ENOX2: variants seen among roughly 807,000 people sequenced by gnomAD.
The protein encoded by ENOX2 is ecto-NOX disulfide-thiol exchanger 2.
ENOX2 carries 36 observed loss-of-function variants against 45.0 expected under a neutral mutation model. That is an observed-to-expected ratio of 0.80 (90% CI 0.61 to 1.06). The LOEUF (loss-of-function observed/expected upper bound fraction) is 1.06. Among genes scored for constraint, ENOX2 ranks in the 50% least tolerant of loss-of-function variants. The pLI is 0.00. For synonymous variants in ENOX2, 174 were observed against 152.3 expected (o/e 1.14, Z -1.05); for missense variants, 423 against 462.5 (o/e 0.91, Z 0.78).
rs1202207262 is a variant in ENOX2 at position 130,745,824 on chromosome X, T to C, written c.-39+37723A>G. Among the ~76,000 whole-genome samples, 7 of 112,058 alleles carry C rather than the reference T, an allele frequency of 6.2e-5. No individual in the cohort carries two copies. In the East Asian group the frequency reaches 1.1e-3, roughly 18 times the overall value. ...AGTCTAAGAACTACTGCTGTATAGA[T>C]AGTCGTCTTTTTGATGAAGCTTCAT... On this transcript the variant is annotated intron_variant, in intron 3 of 14. Transcript: ENST00000394363.
chrX:130,638,939 A>G lies in ENOX2; in HGVS notation c.1130-1529T>C, dbSNP rs1296792625. ...GAGGTGGAGGTTGCAGTGAGCTGAG[A>G]TCACGCCACTACACTCCAGCCTGAG... On this transcript the variant is annotated intron_variant, in intron 10 of 14. Coordinates refer to ENST00000394363, the MANE Select transcript of ENOX2 (RefSeq NM_006375.4). Among the ~76,000 whole-genome samples the G allele has an allele frequency of 6.3e-5, 7 of 111,272 alleles. No individual in the cohort carries two copies. The Admixed American group carries it at 6.7e-4, about 11-fold the overall frequency.
At chrX:130,663,321 G>A (rs771990634) in intron 9 of ENOX2, among the ~76,000 whole-genome samples, 7 of 110,686 alleles carry the variant, frequency 6.3e-5, no homozygotes, top group Non-Finnish European at 9.5e-5. Flanking sequence ...GCCTGAGCTC[G>A]GGAGTTCAAG....
At chrX:130,663,527 T>C (rs2036751644) in intron 9 of ENOX2, among the ~76,000 whole-genome samples, 2 of 81,225 alleles carry the variant, frequency 2.5e-5, no homozygotes, top group African/African-American at 4.9e-5. Flanking sequence ...CAAGACTCCG[T>C]CTCCAAAAAA....
At chrX:130,748,807 A>G (rs2039152382) in intron 3 of ENOX2, among the ~76,000 whole-genome samples, 1 of 111,727 alleles carries the variant, frequency 9.0e-6, no homozygotes, top group Admixed American at 9.5e-5. Context: ...GATGCCCTGG[A>G]GTACTGAACT....
At chrX:130,709,632 T>C (rs2148238385) in intron 3 of ENOX2, among the ~76,000 whole-genome samples, 1 of 82,915 alleles carries the variant, frequency 1.2e-5, no homozygotes, top group East Asian at 3.4e-4. Flanking sequence ...AGTGAGACTC[T>C]GTCTCAAAAA....
At chrX:130,780,057 A>T (rs2039936721) in intron 3 of ENOX2, among the ~76,000 whole-genome samples, 1 of 111,754 alleles carries the variant, frequency 8.9e-6, no homozygotes. Flanking sequence ...TGGGAAAGGG[A>T]AATGAATGGT....
chrX:130,811,482 G>T (rs2077388090), intron 2 of ENOX2, among the ~76,000 whole-genome samples: 1 of 112,664 alleles, frequency 8.9e-6, no homozygotes, highest in Admixed American at 9.3e-5. Flanking sequence ...CACCAGGCCA[G>T]CCTGCTCAAA....
chrX:130,813,181 C>G (rs947130970), intron 2 of ENOX2, among the ~76,000 whole-genome samples: 2 of 112,016 alleles, frequency 1.8e-5, no homozygotes, highest in African/African-American at 6.5e-5. Context: ...GGCATAACAA[C>G]AGATACATAT....
chrX:130,719,434 A>ACAGC (rs1335454276), intron 3 of ENOX2, among the ~76,000 whole-genome samples: 1 of 107,565 alleles, frequency 9.3e-6, no homozygotes, highest in African/African-American at 3.4e-5. Flanking sequence ...TTGAGGCTGG[A>ACAGC]CAGCCACATG....
chrX:130,798,933 G>C (rs2077175537), intron 2 of ENOX2, among the ~76,000 whole-genome samples: 1 of 112,481 alleles, frequency 8.9e-6, no homozygotes, highest in African/African-American at 3.2e-5. Context: ...TAATTCCATT[G>C]AACTTTAGAA....
At chrX:130,710,822 A>C (rs1330298815) in intron 3 of ENOX2, among the ~76,000 whole-genome samples, 1 of 111,911 alleles carries the variant, frequency 8.9e-6, no homozygotes, top group Non-Finnish European at 1.9e-5. Flanking sequence ...CGCTTTCAGC[A>C]TGGTTACTTC....
chrX:130,722,875 G>A (rs1280384184), intron 3 of ENOX2, among the ~76,000 whole-genome samples: 1 of 112,517 alleles, frequency 8.9e-6, no homozygotes, highest in African/African-American at 3.2e-5. Flanking sequence ...CACTTGGTAT[G>A]TAGTAGGTAC....
In ENOX2 at chrX:130,766,185, T is replaced by C. The variant is rs146493236; in HGVS notation, c.-39+17362A>G. On this transcript the variant is annotated intron_variant, in intron 3 of 14. Transcript: ENST00000394363. ...AAAAGATATCTTATGTGATTTGATT[T>C]GCATTTTCCTGATTCATAATGATGT... Among the ~76,000 whole-genome samples the C allele has an allele frequency of 9.0e-4, 100 of 111,731 alleles. 1 individual carries two copies. The highest frequency in any genetic ancestry group is 3.0e-3 in the African/African-American group (93 of 30,947).
chrX:130,787,883 C>A (rs924152708), intron 2 of ENOX2, among the ~76,000 whole-genome samples: 2 of 111,351 alleles, frequency 1.8e-5, no homozygotes, highest in Non-Finnish European at 3.8e-5. Flanking sequence ...ACTCAGTAAG[C>A]TGACTCGCTG....
chrX:130,631,437 G>T, intron 13 of ENOX2, 31 bp downstream of exon 13: 1 of 810,694 alleles, frequency 1.2e-6, no homozygotes. Flanking sequence ...CCCAGGCATT[G>T]TACGTGGCAT....
At chrX:130,895,895 G>A (rs1232876606) in intron 2 of ENOX2, among the ~76,000 whole-genome samples, 1 of 112,354 alleles carries the variant, frequency 8.9e-6, no homozygotes, top group Admixed American at 9.4e-5. Context: ...AACACTGAGG[G>A]ATAGAACATA....
At chrX:130,730,357 C>G (rs1470476631) in intron 3 of ENOX2, among the ~76,000 whole-genome samples, 1 of 112,242 alleles carries the variant, frequency 8.9e-6, no homozygotes, top group Non-Finnish European at 1.9e-5. Context: ...TGCTGTGAAC[C>G]AATGCAGACC....
In ENOX2 at chrX:130,673,358, C is replaced by T. The variant is rs745767642; in HGVS notation, c.461-3160G>A. Among the ~76,000 whole-genome samples, 7 of 109,197 alleles carry T rather than the reference C, an allele frequency of 6.4e-5. No individual in the cohort carries two copies. In the East Asian group the frequency reaches 8.7e-4, roughly 14 times the overall value. 94.8% of individuals were successfully genotyped at this position (109,197 alleles called of 115,157 possible). A position where few individuals can be genotyped will look rare whatever the true frequency, so the allele number is the denominator to read the frequency against. ...CCTAATGAAAATGAAAATTCTGAAA[C>T]GACAAAGAATTCAAAATATGGATTG... On this transcript the variant is annotated intron_variant, in intron 6 of 14. Coordinates refer to ENST00000394363, the MANE Select transcript of ENOX2 (RefSeq NM_006375.4).
chrX:130,668,980 T>C (rs2036910138), intron 7 of ENOX2, among the ~76,000 whole-genome samples: 2 of 112,400 alleles, frequency 1.8e-5, no homozygotes, highest in South Asian at 7.4e-4. Flanking sequence ...TTTCTGTGCC[T>C]CTATTCTGGA....
Sources: gnomAD v4.1 joint callset for allele counts (sites outside exome capture counted in the v4.1 genomes callset) on GRCh38, gnomAD v4.1.1 for gene constraint, MANE v1.5 for transcripts, NCBI Gene and HGNC (gene_info 2026-07-23, HGNC 2026-07-21) for gene names.